The following GPC5 variants were observed in gnomAD, a reference collection of about 807,000 sequenced individuals.
The protein encoded by GPC5 is glypican-5.
In GPC5, 47 loss-of-function variants were observed where a neutral mutation model predicts 53.9. The observed-to-expected ratio is 0.87, with a 90% CI of 0.69 to 1.11. The LOEUF (loss-of-function observed/expected upper bound fraction) is 1.11, where lower values mean the gene tolerates loss of function less well. GPC5 is among the 50% of genes most tolerant of loss of function. The pLI, the probability that GPC5 is intolerant of heterozygous loss-of-function variation, is 0.00. For synonymous variants in GPC5, 286 were observed against 263.3 expected (o/e 1.09, Z -0.84); for missense variants, 748 against 713.1 (o/e 1.05, Z -0.56).
At chr13:91,406,323 A>T (rs143815383) in intron 1 of GPC5, among the ~76,000 whole-genome samples, 2 of 152,180 alleles carry the variant, frequency 1.3e-5, no homozygotes, top group African/African-American at 4.8e-5. Flanking sequence ...TGAGTATCTC[A>T]GATTCTGCTT....
chr13:92,553,596 A>G (rs558357848), intron 7 of GPC5, among the ~76,000 whole-genome samples: 19 of 152,056 alleles, frequency 1.2e-4, no homozygotes, highest in South Asian at 4.1e-4. Context: ...TAGAAGGTGG[A>G]TATGCAGAAT....
chr13:92,445,876 C>T (rs1877799218), intron 7 of GPC5, among the ~76,000 whole-genome samples: 1 of 152,090 alleles, frequency 6.6e-6, no homozygotes, highest in African/African-American at 2.4e-5. Flanking sequence ...CTCCTAGCTT[C>T]AACTGATCCT....
chr13:91,618,719 C>A (rs534275190), intron 2 of GPC5, among the ~76,000 whole-genome samples: 1 of 151,934 alleles, frequency 6.6e-6, no homozygotes, highest in East Asian at 1.9e-4. Context: ...GTTGTTGTTG[C>A]CTGGAGTCTA....
intron 7 of GPC5, among the ~76,000 whole-genome samples, chr13:92,185,551 A>T (rs555609217): frequency 1.3e-5 from 2 of 150,832 alleles, no homozygotes; most frequent in African/African-American, 4.9e-5. Flanking sequence ...GAAGAAATGA[A>T]TTTTTTTTTT....
intron 7 of GPC5, among the ~76,000 whole-genome samples, chr13:92,816,458 G>T (rs541262794): frequency 6.6e-6 from 1 of 152,166 alleles, no homozygotes; most frequent in South Asian, 2.1e-4. Context: ...TTTGTTAGTT[G>T]CCTGGTGGGA....
intron 2 of GPC5, among the ~76,000 whole-genome samples, chr13:91,520,360 T>C (rs1274418118): frequency 6.6e-6 from 1 of 152,202 alleles, no homozygotes; most frequent in Non-Finnish European, 1.5e-5. Context: ...TCAGTCTAGA[T>C]CTTGCTTTGA....
intron 7 of GPC5, among the ~76,000 whole-genome samples, chr13:92,365,249 G>A (rs1038294395): frequency 7.9e-5 from 12 of 151,706 alleles, no homozygotes; most frequent in African/African-American, 2.9e-4. Flanking sequence ...ACTAAATGAT[G>A]TAGGCAATTA....
intron 1 of GPC5, among the ~76,000 whole-genome samples, chr13:91,419,168 A>G (rs992504243): frequency 6.6e-6 from 1 of 152,148 alleles, no homozygotes; most frequent in Admixed American, 6.5e-5. Context: ...AAGCAATTCA[A>G]TGTCTTAATA....
At chr13:92,158,225 G>A (rs921015664) in intron 7 of GPC5, among the ~76,000 whole-genome samples, 2 of 152,196 alleles carry the variant, frequency 1.3e-5, no homozygotes, top group Admixed American at 6.5e-5. Context: ...CACCACTTTT[G>A]AGGAAGGAAT....
At position 91,615,949 on chromosome 13, in the gene GPC5, A is replaced by G. The variant is rs193214110; in HGVS notation, c.326-77238A>G. On this transcript the variant is annotated intron_variant, in intron 2 of 7. Transcript: ENST00000377067. The stretch of plus-strand genomic sequence containing the variant: ...ATTTTAAGACAGAATGGCTAGTCTG[A>G]GAATCAGATTTACCATTAAGATTTG... Among the ~76,000 whole-genome samples, 8 of 152,280 alleles carry G rather than the reference A, an allele frequency of 5.3e-5. No homozygotes were observed. In the East Asian group the frequency reaches 1.3e-3, roughly 26 times the overall value.
rs2043436437 is a variant in GPC5 at position 92,347,904 on chromosome 13, AT to A, written c.1561+202916del. ...ATATTATATATATTATATATATAAT[AT>A]ATATATAATATATATATATTATATA... On this transcript the variant is annotated intron_variant, in intron 7 of 7. Transcript: ENST00000377067. 1.6e-4 allele frequency among the ~76,000 whole-genome samples: 2 copies of A among 12,622 alleles called. 1 individual carries two copies. Among genetic ancestry groups the A allele is most frequent in the African/African-American group, 1.9e-3 (2 of 1,074 alleles). The allele number at this position is 12,622 out of a possible 152,430, so 8.3% of individuals were successfully genotyped here.
intron 7 of GPC5, among the ~76,000 whole-genome samples, chr13:92,163,914 A>G (rs946921279): frequency 3.9e-5 from 6 of 152,206 alleles, no homozygotes; most frequent in Admixed American, 1.3e-4. Context: ...ACTTACAATC[A>G]TGGCAGAAGG....
rs1268970301 is a variant in GPC5, at chr13:91,693,453, C to T, written c.592C>T (p.Arg198Cys). Residue 198 changes from arginine (R) to cysteine (C), a missense_variant, in exon 3 of 8, where the codon CGC becomes TGC. Coordinates refer to ENST00000377067, the MANE Select transcript of GPC5 (RefSeq NM_004466.6). ...ATACTCAGAATGCATCCGGATGGCT[C>T]GCCGGGATGTGAGTCCATTTGGTAA... ...LEYSECIRMA[R>C]RDVSPFGNIP... 12 of 1,614,044 alleles carry T rather than the reference C, an allele frequency of 7.4e-6. No individual in the cohort carries two copies. Among genetic ancestry groups the T allele is most frequent in the East Asian group, 2.2e-5 (1 of 44,858 alleles).
chr13:92,550,707 C>T (rs1882282904), intron 7 of GPC5, among the ~76,000 whole-genome samples: 1 of 151,748 alleles, frequency 6.6e-6, no homozygotes, highest in South Asian at 2.1e-4. Context: ...TTATGCAATT[C>T]TTTTTTATGT....
At chr13:92,141,281 G>A (rs183250534) in intron 6 of GPC5, among the ~76,000 whole-genome samples, 2 of 152,264 alleles carry the variant, frequency 1.3e-5, no homozygotes, top group South Asian at 4.1e-4. Context: ...AGGAAAGGGA[G>A]ATATTGACCC....
Position 92,174,304 on chromosome 13 carries a change from G to A in GPC5, c.1561+29315G>A, listed in dbSNP as rs549284897. On this transcript the variant is annotated intron_variant, in intron 7 of 7. Coordinates refer to ENST00000377067, the MANE Select transcript of GPC5 (RefSeq NM_004466.6). ...TGGGAGGCCGAGACAGGTGGATCAC[G>A]AGGTCAGGAAATTGAGACCATCCTG... is the stretch of plus-strand genomic sequence containing the variant. Among the ~76,000 whole-genome samples, 6 of 151,294 alleles carry A rather than the reference G, an allele frequency of 4.0e-5. No homozygotes were observed. In the South Asian group the frequency reaches 1.0e-3, roughly 26 times the overall value.
chr13:92,157,414 A>AT (rs2041952683), intron 7 of GPC5, among the ~76,000 whole-genome samples: 1 of 152,132 alleles, frequency 6.6e-6, no homozygotes, highest in Non-Finnish European at 1.5e-5. Flanking sequence ...GTGTTTGCTA[A>AT]TTGGTATTTA....
At chr13:91,455,240 T>C (rs988527033) in intron 2 of GPC5, among the ~76,000 whole-genome samples, 2 of 152,128 alleles carry the variant, frequency 1.3e-5, no homozygotes, top group Non-Finnish European at 2.9e-5. Context: ...TTGTGGTTTA[T>C]AGGCTATGCA....
chr13:91,420,009 G>A (rs73614206), intron 1 of GPC5, among the ~76,000 whole-genome samples: 11,637 of 152,084 alleles, frequency 0.077, 1,434 homozygotes, highest in African/African-American at 0.26. Context: ...GGTTAAATTT[G>A]GGCCTGGGTT....
Sources: allele counts gnomAD v4.1 joint callset (sites outside exome capture counted in the v4.1 genomes callset), GRCh38; gene constraint gnomAD v4.1.1; transcripts MANE v1.5; gene names NCBI Gene and HGNC (gene_info 2026-07-23, HGNC 2026-07-21).